ANO2: variants seen among roughly 807,000 people sequenced by gnomAD.
ANO2 encodes anoctamin 2, also known as anoctamin-2.
Under a neutral mutation model 124.2 loss-of-function variants are expected in ANO2, and 101 were observed. The observed-to-expected ratio is 0.81, with a 90% confidence interval of 0.69 to 0.96. The LOEUF (loss-of-function observed/expected upper bound fraction) is 0.96, where lower values mean the gene tolerates loss of function less well. Ranked by LOEUF, ANO2 falls within the 40% of genes least tolerant of loss-of-function variation. ANO2 has a pLI of 0.00. For synonymous variants in ANO2, 486 were observed against 482.5 expected (o/e 1.01, Z -0.09); for missense variants, 1,293 against 1,274.5 (o/e 1.01, Z -0.22).
At chr12:5,767,269 C>T (rs1206435268) in intron 10 of ANO2, among the ~76,000 whole-genome samples, 3 of 152,144 alleles carry the variant, frequency 2.0e-5, no homozygotes, top group East Asian at 1.9e-4. Flanking sequence ...GAGAAAGTTC[C>T]GAGGCTTTAA....
Position 5,922,610 on chromosome 12 carries a change from C to CCCGA in ANO2, c.207+9_207+10insTCGG. On this transcript the variant is annotated intron_variant, in intron 2 of 24. Transcript: ENST00000682330. Reference sequence around the variant, plus strand: ...CCTATCCCCCCACCCCACCCCCGCCCAGTACTCACAGAGCTGCTGCGGGTG... The same window carrying CCCGA: ...CCTATCCCCCCACCCCACCCCCGCCCCCGAAGTACTCACAGAGCTGCTGCGGGTG... 6.6e-6 allele frequency: 10 copies of CCCGA among 1,524,900 alleles called. No individual in the cohort carries two copies. Among genetic ancestry groups the CCCGA allele is most frequent in the African/African-American group, 1.4e-5 (1 of 72,770 alleles). 94.5% of individuals were successfully genotyped at this position (1,524,900 alleles called of 1,614,324 possible).
chr12:5,593,393 T>C (rs745679366), intron 20 of ANO2, among the ~76,000 whole-genome samples: 8 of 152,184 alleles, frequency 5.3e-5, no homozygotes, highest in Non-Finnish European at 8.8e-5. Context: ...AAAGAGCCCA[T>C]CTGAGAGTCC....
intron 10 of ANO2, among the ~76,000 whole-genome samples, chr12:5,762,330 A>C (rs1951765542): frequency 6.6e-6 from 1 of 152,010 alleles, no homozygotes; most frequent in Non-Finnish European, 1.5e-5. Flanking sequence ...GACACTGAAA[A>C]ATTGTTCTAA....
At chr12:5,901,868 G>A (rs1324216717) in intron 3 of ANO2, among the ~76,000 whole-genome samples, 1 of 152,158 alleles carries the variant, frequency 6.6e-6, no homozygotes, top group Admixed American at 6.5e-5. Context: ...ATCAAAATGA[G>A]GCTCCAGAGA....
intron 24 of ANO2, among the ~76,000 whole-genome samples, chr12:5,565,328 T>G (rs1354885090): frequency 1.3e-5 from 2 of 152,158 alleles, no homozygotes; most frequent in Non-Finnish European, 2.9e-5. Flanking sequence ...CTTGTAACCT[T>G]ACACTGTGTT....
intron 3 of ANO2, chr12:5,858,833 T>G (rs1219966929): frequency 6.6e-6 from 1 of 152,274 alleles, no homozygotes; most frequent in Non-Finnish European, 1.5e-5. Context: ...AGCACGAGAC[T>G]GCACACACAG....
At chr12:5,610,972 C>CT (rs34792083) in intron 19 of ANO2, among the ~76,000 whole-genome samples, 46,751 of 113,598 alleles carry the variant, frequency 0.41, 13,252 homozygotes, top group East Asian at 0.62. Flanking sequence ...AACTTCTCTG[C>CT]TTTTTTTTTT....
chr12:5,603,891 G>C (rs1944071813), intron 19 of ANO2, among the ~76,000 whole-genome samples: 1 of 141,864 alleles, frequency 7.0e-6, no homozygotes. Flanking sequence ...GTTGCAGTGA[G>C]CTGAGATAGC....
intron 10 of ANO2, among the ~76,000 whole-genome samples, chr12:5,764,668 C>G (rs978310971): frequency 6.6e-6 from 1 of 152,198 alleles, no homozygotes; most frequent in Non-Finnish European, 1.5e-5. Flanking sequence ...ATTACCAACA[C>G]CACCACTGCC....
At chr12:5,734,643 TTTTC>T (rs1159927474) in intron 13 of ANO2, among the ~76,000 whole-genome samples, 1 of 151,884 alleles carries the variant, frequency 6.6e-6, no homozygotes, top group Non-Finnish European at 1.5e-5. Context: ...CTCATCTTTT[TTTTC>T]TTTCTTTTTT....
At chr12:5,789,025 C>T (rs1952623287) in intron 10 of ANO2, among the ~76,000 whole-genome samples, 1 of 152,228 alleles carries the variant, frequency 6.6e-6, no homozygotes, top group African/African-American at 2.4e-5. Flanking sequence ...GAGACCTAAC[C>T]TTCTTAATCC....
chr12:5,792,569 C>T (rs1179368957), intron 10 of ANO2, among the ~76,000 whole-genome samples: 5 of 152,154 alleles, frequency 3.3e-5, no homozygotes, highest in African/African-American at 1.2e-4. Context: ...GTCTGTGGTG[C>T]TGCATCACAT....
In ANO2 at chr12:5,614,139, C is replaced by A. The variant is rs569387721; in HGVS notation, c.1928+1047G>T. On this transcript the variant is annotated intron_variant, in intron 17 of 24. Coordinates refer to ENST00000682330, the MANE Select transcript of ANO2 (RefSeq NM_001364791.2). ...TATTGGGAAATTTCCTTGTAAGTAG[C>A]CAACTGGCTTGATCATAAAAAATAT... Among the ~76,000 whole-genome samples the A allele has an allele frequency of 5.3e-5, 8 of 152,248 alleles. No homozygotes were observed. The East Asian group carries it at 5.8e-4, about 11-fold the overall frequency.
At chr12:5,595,269 T>C (rs892641785) in intron 20 of ANO2, among the ~76,000 whole-genome samples, 4 of 152,186 alleles carry the variant, frequency 2.6e-5, no homozygotes, top group Non-Finnish European at 5.9e-5. Context: ...GGCACAATCA[T>C]AGCTCACTGC....
At chr12:5,819,046 C>T (rs991635638) in intron 7 of ANO2, among the ~76,000 whole-genome samples, 1 of 152,174 alleles carries the variant, frequency 6.6e-6, no homozygotes, top group Non-Finnish European at 1.5e-5. Flanking sequence ...ATGCGAGTGG[C>T]TGACCTGCAG....
At chr12:5,798,621 C>G (rs1300058911) in intron 10 of ANO2, among the ~76,000 whole-genome samples, 3 of 152,224 alleles carry the variant, frequency 2.0e-5, no homozygotes, top group African/African-American at 7.2e-5. Context: ...CTCCTGCAGG[C>G]TCCAGCGGCC....
At chr12:5,905,541 T>C (rs369047684) in intron 3 of ANO2, among the ~76,000 whole-genome samples, 29 of 152,162 alleles carry the variant, frequency 1.9e-4, no homozygotes, top group African/African-American at 6.7e-4. Flanking sequence ...CAACACTGAA[T>C]AGGAAGTTCC....
At chr12:5,871,949 C>T (rs955461135) in intron 3 of ANO2, among the ~76,000 whole-genome samples, 1 of 152,156 alleles carries the variant, frequency 6.6e-6, no homozygotes, top group Non-Finnish European at 1.5e-5. Flanking sequence ...ACAGCACATG[C>T]TCAGGAAAGC....
chr12:5,809,532 C>T (rs1010395258), intron 7 of ANO2, among the ~76,000 whole-genome samples: 2 of 152,184 alleles, frequency 1.3e-5, no homozygotes, highest in African/African-American at 4.8e-5. Flanking sequence ...CTTAGCTCAT[C>T]TGCTAATTCT....
Sources: allele counts gnomAD v4.1 joint callset (sites outside exome capture counted in the v4.1 genomes callset), GRCh38; gene constraint gnomAD v4.1.1; transcripts MANE v1.5; gene names NCBI Gene and HGNC (gene_info 2026-07-23, HGNC 2026-07-21).